The following CDH8 variants were observed in gnomAD, a reference collection of about 807,000 sequenced individuals.
The protein encoded by CDH8 is cadherin 8, also known as cadherin-8.
A neutral mutation model predicts 68.1 loss-of-function variants in CDH8; 17 were observed. The observed-to-expected ratio is 0.25, with a 90% CI of 0.17 to 0.37. CDH8 has a LOEUF of 0.37. CDH8 is among the 10% of genes least tolerant of loss of function. The pLI is 1.00. For synonymous variants in CDH8, 372 were observed against 365.1 expected, an observed-to-expected ratio of 1.02 and a Z score of -0.21; for missense variants, 763 against 999.3, an observed-to-expected ratio of 0.76 and a Z score of 3.19.
At chr16:61,843,196 C>T (rs1001815185) in intron 4 of CDH8, among the ~76,000 whole-genome samples, 23 of 151,902 alleles carry the variant, frequency 1.5e-4, no homozygotes, top group South Asian at 8.3e-4. Flanking sequence ...CAATTTTACA[C>T]GCTAAATCAT....
chr16:61,676,082 A>G (rs1317812239), intron 10 of CDH8, among the ~76,000 whole-genome samples: 1 of 151,424 alleles, frequency 6.6e-6, no homozygotes, highest in Non-Finnish European at 1.5e-5. Flanking sequence ...GTCCTCAAAT[A>G]AAAAGGCAGT....
intron 2 of CDH8, among the ~76,000 whole-genome samples, chr16:61,912,732 T>C (rs1350833642): frequency 6.6e-6 from 1 of 152,100 alleles, no homozygotes; most frequent in Non-Finnish European, 1.5e-5. Flanking sequence ...TTAATTTCCT[T>C]TTATTCAAAT....
chr16:61,657,663 C>A (rs1963473902), intron 10 of CDH8, among the ~76,000 whole-genome samples: 1 of 152,006 alleles, frequency 6.6e-6, no homozygotes, highest in Non-Finnish European at 1.5e-5. Context: ...AAGAACATTT[C>A]TGGATGGTTT....
chr16:61,892,217 T>C (rs1963790540), intron 3 of CDH8, among the ~76,000 whole-genome samples: 1 of 152,214 alleles, frequency 6.6e-6, no homozygotes, highest in Non-Finnish European at 1.5e-5. Context: ...AATTTTACTA[T>C]TTAGCTGCTT....
intron 10 of CDH8, among the ~76,000 whole-genome samples, chr16:61,658,008 C>T (rs1963482521): frequency 6.6e-6 from 1 of 152,048 alleles, no homozygotes; most frequent in Admixed American, 6.5e-5. Flanking sequence ...TAAAGAAAAT[C>T]TATGAGTTAT....
chr16:61,663,497 T>C (rs910859537), intron 10 of CDH8, among the ~76,000 whole-genome samples: 14 of 151,984 alleles, frequency 9.2e-5, no homozygotes, highest in African/African-American at 3.4e-4. Flanking sequence ...CATTAAAATA[T>C]AAGCCCCTTG....
At chr16:61,877,026 G>A (rs1963475337) in intron 3 of CDH8, among the ~76,000 whole-genome samples, 1 of 152,098 alleles carries the variant, frequency 6.6e-6, no homozygotes, top group Admixed American at 6.6e-5. Flanking sequence ...AAAATCTCAT[G>A]CAAACTTTAA....
intron 8 of CDH8, among the ~76,000 whole-genome samples, chr16:61,733,601 A>G (rs935653738): frequency 6.6e-6 from 1 of 152,038 alleles, no homozygotes; most frequent in African/African-American, 2.4e-5. Context: ...AAGTCATATA[A>G]TCATAAAATC....
At chr16:61,787,479 T>C (rs1243378022) in intron 8 of CDH8, among the ~76,000 whole-genome samples, 14 of 140,110 alleles carry the variant, frequency 1.0e-4, no homozygotes, top group Non-Finnish European at 6.1e-5. Context: ...AGGAACACTT[T>C]TACACTGTTG....
chr16:61,729,306 A>G (rs1307730318), intron 8 of CDH8, among the ~76,000 whole-genome samples: 2 of 150,974 alleles, frequency 1.3e-5, no homozygotes, highest in Non-Finnish European at 3.0e-5. Context: ...GTGTGTGTGT[A>G]TGTGTGTATG....
intron 8 of CDH8, among the ~76,000 whole-genome samples, chr16:61,745,100 T>C (rs896035166): frequency 1.3e-5 from 2 of 150,564 alleles, no homozygotes; most frequent in Admixed American, 6.6e-5. Context: ...TTTATCAAGT[T>C]TTTTTTTTTC....
rs1346850928 is a variant in CDH8, at chr16:62,013,770, G to C, written c.252+7382C>G. On this transcript the variant is annotated intron_variant, in intron 2 of 11. Transcript: ENST00000577390. ...CCCTGTGAATTTCAGCTTCATACTT[G>C]TAATAGGAATCAATACTCTGAACTT... Among the ~76,000 whole-genome samples, 4 of 152,060 alleles carry C rather than the reference G, an allele frequency of 2.6e-5. No homozygotes were observed. The East Asian group carries it at 7.7e-4, about 29-fold the overall frequency.
intron 3 of CDH8, among the ~76,000 whole-genome samples, chr16:61,884,411 T>C (rs1963634652): frequency 6.6e-6 from 1 of 151,616 alleles, no homozygotes; most frequent in Non-Finnish European, 1.5e-5. Flanking sequence ...TCTCGCTCTA[T>C]TGCCCAGGCT....
intron 8 of CDH8, among the ~76,000 whole-genome samples, chr16:61,774,764 C>A (rs996248424): frequency 3.1e-4 from 47 of 152,196 alleles, no homozygotes; most frequent in African/African-American, 1.0e-3. Context: ...GGGAACTTAA[C>A]TATTTCTGCC....
chr16:61,982,486 T>C (rs976991934), intron 2 of CDH8, among the ~76,000 whole-genome samples: 1 of 152,228 alleles, frequency 6.6e-6, no homozygotes, highest in Admixed American at 6.5e-5. Context: ...CCCATAGTGC[T>C]GGGATTACAG....
chr16:61,800,635 C>T (rs1217981166), intron 7 of CDH8, among the ~76,000 whole-genome samples: 1 of 152,164 alleles, frequency 6.6e-6, no homozygotes, highest in Non-Finnish European at 1.5e-5. Context: ...TCCCCTATTG[C>T]CTGTTTCAAA....
At chr16:61,742,812 T>C in intron 8 of CDH8, among the ~76,000 whole-genome samples, 1 of 152,156 alleles carries the variant, frequency 6.6e-6, no homozygotes, top group Non-Finnish European at 1.5e-5. Context: ...TACACTGACT[T>C]TGGGACATTA....
intron 10 of CDH8, among the ~76,000 whole-genome samples, chr16:61,686,495 C>T (rs1217605764): frequency 6.6e-6 from 1 of 151,954 alleles, no homozygotes; most frequent in African/African-American, 2.4e-5. Context: ...AAGTGCCCCT[C>T]ATCTGGTTCT....
intron 1 of CDH8, among the ~76,000 whole-genome samples, chr16:62,021,837 C>T (rs1030106000): frequency 2.4e-4 from 37 of 152,228 alleles, no homozygotes; most frequent in African/African-American, 7.9e-4. Context: ...AACTGGTTTG[C>T]GTAATAGAAG....
Sources: gnomAD v4.1 joint callset for allele counts (sites outside exome capture counted in the v4.1 genomes callset) on GRCh38, gnomAD v4.1.1 for gene constraint, MANE v1.5 for transcripts, NCBI Gene and HGNC (gene_info 2026-07-23, HGNC 2026-07-21) for gene names.